Variants in DIP2B observed in about 807,000 individuals in gnomAD.
The protein encoded by DIP2B is DIP2 acetate--CoA ligase B (putative).
Under a neutral mutation model 198.0 loss-of-function variants are expected in DIP2B, and 76 were observed. The ratio of observed to expected loss-of-function variants is 0.38; its 90% confidence interval spans 0.32 to 0.46. The LOEUF (loss-of-function observed/expected upper bound fraction) is 0.46. DIP2B is among the 20% of genes least tolerant of loss of function. DIP2B has a pLI of 0.99. For missense variants in DIP2B, 1,559 were observed against 1,978.4 expected (o/e 0.79, Z 4.02); for synonymous variants, 701 against 739.1 (o/e 0.95, Z 0.84).
chr12:50,558,552 C>T (rs189580571), intron 1 of DIP2B, among the ~76,000 whole-genome samples: 29 of 152,284 alleles, frequency 1.9e-4, no homozygotes, highest in African/African-American at 6.7e-4. Context: ...ATTCTAACAT[C>T]TCAAGTAGCA....
intron 3 of DIP2B, among the ~76,000 whole-genome samples, chr12:50,647,642 T>C (rs1370062881): frequency 6.6e-6 from 1 of 152,174 alleles, no homozygotes; most frequent in Non-Finnish European, 1.5e-5. Context: ...AATACCTCTC[T>C]GCTTTATGAC....
intron 1 of DIP2B, 95 bp from the exon 2 acceptor site, chr12:50,625,881 G>T: frequency 7.6e-7 from 1 of 1,311,624 alleles, no homozygotes; most frequent in Non-Finnish European, 1.1e-6. Flanking sequence ...TCTATATGGG[G>T]TAGTTCTATA....
chr12:50,609,145 A>T lies in DIP2B; in HGVS notation c.101-16831A>T, dbSNP rs192348340. On this transcript the variant is annotated intron_variant, in intron 1 of 37. Coordinates refer to ENST00000301180, the MANE Select transcript of DIP2B (RefSeq NM_173602.3). ...AACACTCCGTCTCAAAAAAAATAAT[A>T]AAAAAAAAATTATCAAGAGGATTAA... Among the ~76,000 whole-genome samples the T allele has an allele frequency of 1.1e-4, 16 of 150,894 alleles. 1 individual carries two copies. In the East Asian group the frequency reaches 2.1e-3, roughly 20 times the overall value.
chr12:50,594,152 T>C (rs1958859091), intron 1 of DIP2B, among the ~76,000 whole-genome samples: 1 of 151,078 alleles, frequency 6.6e-6, no homozygotes, highest in African/African-American at 2.4e-5. Flanking sequence ...CCCTGTTGGC[T>C]GGGCTGGTCT....
intron 37 of DIP2B, among the ~76,000 whole-genome samples, 199 bp from the exon 38 acceptor site, chr12:50,744,388 A>G (rs1308501090): frequency 1.3e-5 from 2 of 152,184 alleles, no homozygotes; most frequent in Admixed American, 1.3e-4. Context: ...TCTCATATAT[A>G]TATATATTCA....
intron 1 of DIP2B, among the ~76,000 whole-genome samples, chr12:50,510,766 C>T (rs1380477408): frequency 6.6e-6 from 1 of 151,988 alleles, no homozygotes; most frequent in African/African-American, 2.4e-5. Flanking sequence ...CTGCCTCAGC[C>T]TCCTGAGTAG....
At chr12:50,733,975 C>A (rs1327421124) in intron 32 of DIP2B, among the ~76,000 whole-genome samples, 160 bp from the exon 33 acceptor site, 1 of 152,168 alleles carries the variant, frequency 6.6e-6, no homozygotes, top group African/African-American at 2.4e-5. Flanking sequence ...CTGCCACAGT[C>A]CCCGTGATAA....
chr12:50,635,560 G>A (rs1280595519), intron 2 of DIP2B, among the ~76,000 whole-genome samples: 2 of 152,120 alleles, frequency 1.3e-5, no homozygotes, highest in Non-Finnish European at 2.9e-5. Context: ...ACTGCACTTG[G>A]CAGCTGCTTC....
intron 18 of DIP2B, 148 bp from the exon 19 acceptor site, chr12:50,698,918 C>T (rs1037516249): frequency 4.8e-6 from 4 of 827,810 alleles, no homozygotes; most frequent in Non-Finnish European, 7.5e-6. Flanking sequence ...TATGTAGTTT[C>T]AGGTTTATGT....
chr12:50,693,019 C>T lies in DIP2B; in HGVS notation c.1719+6C>T. 1 of 1,609,994 alleles carries T rather than the reference C, an allele frequency of 6.2e-7. No individual in the cohort carries two copies. Among genetic ancestry groups the T allele is most frequent in the Non-Finnish European group, 8.5e-7 (1 of 1,178,988 alleles). On this transcript the variant is annotated splice_donor_region_variant and intron_variant, in intron 14 of 37. Coordinates refer to ENST00000301180, the MANE Select transcript of DIP2B (RefSeq NM_173602.3). The stretch of plus-strand genomic sequence containing the variant: ...TGTGGCACGGCATGTTTGCGGTAAG[C>T]TACTCAGATTTAAGGCCCTTAGTGT...
intron 1 of DIP2B, among the ~76,000 whole-genome samples, chr12:50,518,888 A>T (rs975568207): frequency 6.6e-6 from 1 of 152,112 alleles, no homozygotes. Context: ...TTACAGGTCC[A>T]TGTCACCATG....
intron 36 of DIP2B, among the ~76,000 whole-genome samples, chr12:50,740,488 CA>C (rs1940222369): frequency 6.6e-6 from 1 of 152,184 alleles, no homozygotes; most frequent in African/African-American, 2.4e-5. Context: ...ATTTAGATGC[CA>C]AGAACGGTGC....
At chr12:50,734,969 A>C in intron 33 of DIP2B, 104 bp from the exon 34 acceptor site, 3 of 1,384,328 alleles carry the variant, frequency 2.2e-6, no homozygotes, top group Non-Finnish European at 3.1e-6. Flanking sequence ...AGTATGAGGA[A>C]GAGAGACAAG....
chr12:50,728,722 C>G, intron 30 of DIP2B, 44 bp downstream of exon 30: 1 of 1,595,122 alleles, frequency 6.3e-7, no homozygotes, highest in Non-Finnish European at 8.6e-7. Context: ...TGGGGGTATA[C>G]TTTGTGGCCA....
chr12:50,602,930 C>T (rs753568795), intron 1 of DIP2B, among the ~76,000 whole-genome samples: 58 of 149,336 alleles, frequency 3.9e-4, no homozygotes, highest in Admixed American at 6.7e-4. Flanking sequence ...TTTGGGAGGC[C>T]GAGGTGGGCA....
intron 1 of DIP2B, among the ~76,000 whole-genome samples, chr12:50,612,894 A>G (rs537864216): frequency 8.5e-5 from 13 of 152,238 alleles, no homozygotes; most frequent in African/African-American, 2.4e-4. Context: ...CCCCAGCTCT[A>G]TGTTATTCAA....
At chr12:50,729,805 C>G (rs577482753) in intron 30 of DIP2B, among the ~76,000 whole-genome samples, 174 of 150,922 alleles carry the variant, frequency 1.2e-3, no homozygotes, top group Non-Finnish European at 1.5e-3. Context: ...TCTCGGCTCA[C>G]TGCAACCTCC....
intron 1 of DIP2B, among the ~76,000 whole-genome samples, chr12:50,533,253 T>G (rs1389231532): frequency 6.6e-6 from 1 of 152,244 alleles, no homozygotes; most frequent in Non-Finnish European, 1.5e-5. Flanking sequence ...AGACTACATA[T>G]TTCTCATGAC....
intron 1 of DIP2B, among the ~76,000 whole-genome samples, chr12:50,522,060 G>A (rs1958125206): frequency 6.6e-6 from 1 of 151,646 alleles, no homozygotes; most frequent in African/African-American, 2.4e-5. Context: ...GAGTGCAGTG[G>A]CACAATCTTG....
Sources: allele counts gnomAD v4.1 joint callset (sites outside exome capture counted in the v4.1 genomes callset), GRCh38; gene constraint gnomAD v4.1.1; transcripts MANE v1.5; gene names NCBI Gene and HGNC (gene_info 2026-07-23, HGNC 2026-07-21).